Variants in KIAA1217 observed in about 807,000 individuals in gnomAD.
The protein encoded by KIAA1217 is KIAA1217, also known as sickle tail protein homolog.
In KIAA1217, 88 loss-of-function variants were observed where a neutral mutation model predicts 163.9. The observed-to-expected ratio is 0.54, with a 90% CI of 0.45 to 0.64. The LOEUF (loss-of-function observed/expected upper bound fraction) is 0.64, where lower values mean the gene tolerates loss of function less well. Among genes scored for constraint, KIAA1217 ranks in the 30% least tolerant of loss-of-function variants. KIAA1217 has a pLI of 0.00. For synonymous variants in KIAA1217, 903 were observed against 923.1 expected, an observed-to-expected ratio of 0.98 and a Z score of 0.39; for missense variants, 2,372 against 2,475.0, an observed-to-expected ratio of 0.96 and a Z score of 0.88.
intron 5 of KIAA1217, among the ~76,000 whole-genome samples, chr10:24,467,105 C>T (rs746964813): frequency 1.5e-4 from 23 of 151,918 alleles, no homozygotes; most frequent in Non-Finnish European, 3.1e-4. Flanking sequence ...GTTCAAGAAA[C>T]TTCTGAATGA....
chr10:24,170,718 T>C (rs1352125890), intron 2 of KIAA1217, among the ~76,000 whole-genome samples: 1 of 152,260 alleles, frequency 6.6e-6, no homozygotes, highest in Non-Finnish European at 1.5e-5. Context: ...TTCATTTCTA[T>C]TCCGAGTTGA....
chr10:23,755,393 C>T (rs1329343683), intron 1 of KIAA1217, among the ~76,000 whole-genome samples: 1 of 152,164 alleles, frequency 6.6e-6, no homozygotes, highest in Non-Finnish European at 1.5e-5. Flanking sequence ...TCCACGCAGG[C>T]ATAATAATCT....
intron 2 of KIAA1217, among the ~76,000 whole-genome samples, chr10:24,309,350 G>GCACA (rs760597469): frequency 0.013 from 1,664 of 132,308 alleles, 10 homozygotes; most frequent in African/African-American, 0.014. Flanking sequence ...ACGCGCGCGC[G>GCACA]CACACACACA....
At chr10:24,219,930 C>A in intron 2 of KIAA1217, 21 bp downstream of exon 2, 1 of 1,560,214 alleles carries the variant, frequency 6.4e-7, no homozygotes, top group Admixed American at 2.0e-5. Context: ...GCTCTCATTT[C>A]TCCTTGTGTA....
intron 5 of KIAA1217, among the ~76,000 whole-genome samples, chr10:24,440,032 G>T (rs779014430): frequency 6.6e-6 from 1 of 152,222 alleles, no homozygotes; most frequent in African/African-American, 2.4e-5. Flanking sequence ...GAGAAGGTCT[G>T]TCCTTCTGGA....
intron 2 of KIAA1217, among the ~76,000 whole-genome samples, chr10:24,352,797 A>G (rs554879789): frequency 6.6e-6 from 1 of 152,244 alleles, no homozygotes; most frequent in South Asian, 2.1e-4. Context: ...TAAGAGTTGA[A>G]TTACCATGGA....
At chr10:23,882,207 T>C (rs1216413100) in intron 1 of KIAA1217, among the ~76,000 whole-genome samples, 1 of 151,996 alleles carries the variant, frequency 6.6e-6, no homozygotes, top group East Asian at 1.9e-4. Context: ...TTCTCATATA[T>C]ACCTCATTGC....
chr10:23,947,294 G>T (rs1198921530), intron 1 of KIAA1217, among the ~76,000 whole-genome samples: 4 of 152,180 alleles, frequency 2.6e-5, no homozygotes, highest in African/African-American at 9.7e-5. Context: ...TAGAAGAAAA[G>T]ATGTAGTTAA....
chr10:23,716,754 T>G, intron 1 of KIAA1217, among the ~76,000 whole-genome samples: 1 of 152,278 alleles, frequency 6.6e-6, no homozygotes, highest in Non-Finnish European at 1.5e-5. Flanking sequence ...TTTATATGCA[T>G]GTAACAACAA....
chr10:23,864,752 C>T (rs1041216835), intron 1 of KIAA1217, among the ~76,000 whole-genome samples: 2 of 152,000 alleles, frequency 1.3e-5, no homozygotes, highest in African/African-American at 4.8e-5. Context: ...ATAGAGAGAA[C>T]ATTATTTATT....
intron 2 of KIAA1217, among the ~76,000 whole-genome samples, chr10:24,066,280 C>G (rs947856483): frequency 2.0e-5 from 3 of 152,124 alleles, no homozygotes; most frequent in African/African-American, 7.2e-5. Context: ...GTGGCTGGTA[C>G]CAGTTGTTCC....
intron 1 of KIAA1217, among the ~76,000 whole-genome samples, chr10:23,885,804 C>T (rs574260545): frequency 6.6e-6 from 1 of 152,074 alleles, no homozygotes. Flanking sequence ...CTCACCCCTG[C>T]TTATATTCAC....
At chr10:24,213,326 G>A (rs752671051) in intron 1 of KIAA1217, among the ~76,000 whole-genome samples, 12 of 152,132 alleles carry the variant, frequency 7.9e-5, no homozygotes, top group Non-Finnish European at 4.4e-5. Flanking sequence ...CAGTCCTGAC[G>A]TGTGTGCTTT....
At chr10:23,950,755 A>C (rs1370387852) in intron 1 of KIAA1217, among the ~76,000 whole-genome samples, 1 of 152,122 alleles carries the variant, frequency 6.6e-6, no homozygotes, top group Admixed American at 6.5e-5. Context: ...GTTTATCACT[A>C]TCTGAAAAAC....
At chr10:24,198,929 C>T (rs976347489) in intron 2 of KIAA1217, among the ~76,000 whole-genome samples, 20 of 152,090 alleles carry the variant, frequency 1.3e-4, no homozygotes, top group African/African-American at 4.6e-4. Flanking sequence ...TTCAGTATTA[C>T]ATGAACAAGC....
At chr10:23,831,498 C>T (rs1198797314) in intron 1 of KIAA1217, among the ~76,000 whole-genome samples, 1 of 152,166 alleles carries the variant, frequency 6.6e-6, no homozygotes, top group Non-Finnish European at 1.5e-5. Flanking sequence ...AAGACATACA[C>T]ATGGGATACA....
chr10:24,064,728 C>A (rs996552260), intron 2 of KIAA1217, among the ~76,000 whole-genome samples: 5 of 152,290 alleles, frequency 3.3e-5, no homozygotes, highest in East Asian at 1.9e-4. Context: ...ACCAGCTCCT[C>A]CTTGTACCTC....
At chr10:23,988,203 G>T (rs1846064068) in intron 1 of KIAA1217, among the ~76,000 whole-genome samples, 1 of 152,170 alleles carries the variant, frequency 6.6e-6, no homozygotes, top group South Asian at 2.1e-4. Context: ...ATTAGTTTCT[G>T]CCAATGAGAA....
intron 1 of KIAA1217, among the ~76,000 whole-genome samples, chr10:23,933,596 T>C (rs1427434642): frequency 6.6e-6 from 1 of 152,122 alleles, no homozygotes; most frequent in Admixed American, 6.5e-5. Context: ...ATCATCCAAG[T>C]GAGCAGGCAC....
Sources: allele counts gnomAD v4.1 joint callset (sites outside exome capture counted in the v4.1 genomes callset), GRCh38; gene constraint gnomAD v4.1.1; transcripts MANE v1.5; gene names NCBI Gene and HGNC (gene_info 2026-07-23, HGNC 2026-07-21).